NRG3: variants seen among roughly 807,000 people sequenced by gnomAD.
NRG3 encodes the protein pro-neuregulin-3, membrane-bound isoform.
Under a neutral mutation model 66.9 loss-of-function variants are expected in NRG3, and 31 were observed. The ratio of observed to expected loss-of-function variants is 0.46; its 90% CI spans 0.35 to 0.63. The LOEUF (loss-of-function observed/expected upper bound fraction) is 0.63. Ranked by LOEUF, NRG3 falls within the 20% of genes least tolerant of loss-of-function variation. The pLI is 0.00. For missense variants in NRG3, 910 were observed against 878.9 expected (o/e 1.04, Z -0.45); for synonymous variants, 393 against 359.4 (o/e 1.09, Z -1.06).
intron 2 of NRG3, among the ~76,000 whole-genome samples, chr10:82,502,037 CAG>C (rs1427554097): frequency 6.6e-6 from 1 of 152,078 alleles, no homozygotes. Flanking sequence ...CGAAGAGATC[CAG>C]TGTCTTAAGT....
chr10:82,312,173 C>T (rs1205270643), intron 1 of NRG3, among the ~76,000 whole-genome samples: 1 of 152,002 alleles, frequency 6.6e-6, no homozygotes, highest in Non-Finnish European at 1.5e-5. Context: ...TATTTTATAT[C>T]AGTGATAGTT....
At chr10:82,494,465 G>C (rs1193828729) in intron 2 of NRG3, among the ~76,000 whole-genome samples, 1 of 152,008 alleles carries the variant, frequency 6.6e-6, no homozygotes, top group Non-Finnish European at 1.5e-5. Flanking sequence ...GGTTGTGTGT[G>C]TATGTGTAAG....
intron 2 of NRG3, among the ~76,000 whole-genome samples, chr10:82,491,881 T>C (rs1213944438): frequency 6.6e-6 from 1 of 152,242 alleles, no homozygotes; most frequent in East Asian, 1.9e-4. Flanking sequence ...TCTGTGCTCT[T>C]TCTTTGGTTA....
intron 1 of NRG3, among the ~76,000 whole-genome samples, chr10:82,162,999 T>C (rs1324221598): frequency 6.6e-6 from 1 of 152,122 alleles, no homozygotes; most frequent in Admixed American, 6.6e-5. Flanking sequence ...CTATGGACTA[T>C]TGATTTTCAG....
At chr10:82,875,792 G>C (rs1016393323) in intron 4 of NRG3, among the ~76,000 whole-genome samples, 1 of 152,180 alleles carries the variant, frequency 6.6e-6, no homozygotes. Flanking sequence ...ACATTCCAAA[G>C]ACTCCCAAGC....
chr10:82,741,253 T>A (rs1040883312), intron 3 of NRG3, among the ~76,000 whole-genome samples: 1 of 152,100 alleles, frequency 6.6e-6, no homozygotes, highest in Non-Finnish European at 1.5e-5. Flanking sequence ...GCTCTGTTAA[T>A]ACAAAAGTGT....
At chr10:82,095,114 T>A (rs983275821) in intron 1 of NRG3, among the ~76,000 whole-genome samples, 1 of 152,280 alleles carries the variant, frequency 6.6e-6, no homozygotes, top group African/African-American at 2.4e-5. Flanking sequence ...GTGTGAAATT[T>A]GGATGCTTTT....
chr10:81,903,088 C>T (rs111348586), intron 1 of NRG3, among the ~76,000 whole-genome samples: 2 of 152,038 alleles, frequency 1.3e-5, no homozygotes, highest in African/African-American at 4.8e-5. Flanking sequence ...GGTTTTGTAA[C>T]CAGGGTTATG....
intron 1 of NRG3, among the ~76,000 whole-genome samples, chr10:82,107,321 T>G (rs1448982253): frequency 6.6e-6 from 1 of 152,192 alleles, no homozygotes; most frequent in Admixed American, 6.5e-5. Context: ...GAATAGAAAA[T>G]GTAGCAACAT....
At chr10:82,771,677 G>C (rs1273790635) in intron 3 of NRG3, among the ~76,000 whole-genome samples, 2 of 152,120 alleles carry the variant, frequency 1.3e-5, no homozygotes, top group South Asian at 2.1e-4. Flanking sequence ...CTTAATCAGT[G>C]CTAAGTCCTG....
At chr10:82,315,292 G>A (rs1054335489) in intron 1 of NRG3, among the ~76,000 whole-genome samples, 5 of 152,160 alleles carry the variant, frequency 3.3e-5, no homozygotes, top group African/African-American at 7.2e-5. Flanking sequence ...GCCCTTTGTG[G>A]AGCCTGAGGC....
intron 1 of NRG3, among the ~76,000 whole-genome samples, chr10:82,343,903 A>G (rs1256027209): frequency 1.3e-5 from 2 of 152,144 alleles, no homozygotes; most frequent in African/African-American, 4.8e-5. Flanking sequence ...ATGACCGTAC[A>G]GATTTATTCT....
intron 1 of NRG3, among the ~76,000 whole-genome samples, chr10:81,961,170 T>A (rs975012086): frequency 6.6e-6 from 1 of 152,156 alleles, no homozygotes; most frequent in Non-Finnish European, 1.5e-5. Flanking sequence ...ATATATGAAT[T>A]AACATGTATA....
At chr10:82,654,155 C>G (rs961446138) in intron 2 of NRG3, among the ~76,000 whole-genome samples, 7 of 152,062 alleles carry the variant, frequency 4.6e-5, no homozygotes, top group African/African-American at 1.7e-4. Flanking sequence ...TGGTGATAGG[C>G]TGGACATGAC....
chr10:82,879,215 CA>C (rs2136045316), intron 4 of NRG3, among the ~76,000 whole-genome samples: 1 of 152,170 alleles, frequency 6.6e-6, no homozygotes, highest in East Asian at 1.9e-4. Flanking sequence ...ATCTCCAGCC[CA>C]ATGCTTAGCA....
chr10:82,404,826 A>G (rs1185373985), intron 2 of NRG3, among the ~76,000 whole-genome samples: 1 of 152,150 alleles, frequency 6.6e-6, no homozygotes, highest in Non-Finnish European at 1.5e-5. Context: ...AAATGCCATT[A>G]GCTGGTCTGA....
At chr10:82,272,884 C>T (rs757455031) in intron 1 of NRG3, among the ~76,000 whole-genome samples, 3 of 151,974 alleles carry the variant, frequency 2.0e-5, no homozygotes, top group Non-Finnish European at 4.4e-5. Context: ...TTAGAAGGCT[C>T]GCTATGGCCT....
chr10:81,950,227 A>G (rs1387663372), intron 1 of NRG3, among the ~76,000 whole-genome samples: 3 of 152,182 alleles, frequency 2.0e-5, no homozygotes, highest in African/African-American at 7.2e-5. Context: ...ATTCATATCT[A>G]ACAGTCATTG....
chr10:82,529,075 G>T (rs779568851), intron 2 of NRG3, among the ~76,000 whole-genome samples: 14 of 152,212 alleles, frequency 9.2e-5, no homozygotes, highest in Non-Finnish European at 1.8e-4. Flanking sequence ...CTAAGAGCAA[G>T]ATTTTTAACA....
Sources: allele counts gnomAD v4.1 joint callset (sites outside exome capture counted in the v4.1 genomes callset), GRCh38; gene constraint gnomAD v4.1.1; transcripts MANE v1.5; gene names NCBI Gene and HGNC (gene_info 2026-07-23, HGNC 2026-07-21).